Variants in EIF2S2 observed in about 807,000 individuals in gnomAD.
EIF2S2 encodes the protein eukaryotic translation initiation factor 2 subunit beta, also known as eukaryotic translation initiation factor 2 subunit 2.
A neutral mutation model predicts 44.0 loss-of-function variants in EIF2S2; 4 were observed. The observed-to-expected ratio is 0.09, with a 90% confidence interval of 0.04 to 0.21. The LOEUF (loss-of-function observed/expected upper bound fraction) is 0.21. Among genes scored for constraint, EIF2S2 ranks in the 10% least tolerant of loss-of-function variants. EIF2S2 has a pLI of 1.00. For missense variants in EIF2S2, 154 were observed against 392.0 expected (o/e 0.39, Z 5.13); for synonymous variants, 108 against 128.3 (o/e 0.84, Z 1.07).
At chr20:34,097,082 A>C (rs1202341961) in intron 5 of EIF2S2, among the ~76,000 whole-genome samples, 1 of 152,232 alleles carries the variant, frequency 6.6e-6, no homozygotes, top group Non-Finnish European at 1.5e-5. Flanking sequence ...TGGAAAAGTA[A>C]GATTCAGGAA....
chr20:34,096,307 T>A (rs1399721698), intron 6 of EIF2S2, among the ~76,000 whole-genome samples: 1 of 151,904 alleles, frequency 6.6e-6, no homozygotes, highest in Admixed American at 6.6e-5. Context: ...AAAAAAAAAT[T>A]TTTTTAAATT....
chr20:34,094,553 G>A (rs2034205173), intron 6 of EIF2S2, among the ~76,000 whole-genome samples: 2 of 152,046 alleles, frequency 1.3e-5, no homozygotes, highest in African/African-American at 4.8e-5. Flanking sequence ...TATATTTCAT[G>A]TGTAAAATTT....
chr20:34,089,599 A>T lies in EIF2S2; in HGVS notation c.*131T>A. 1.0e-6 allele frequency: 1 copy of T among 983,596 alleles called. No homozygotes were observed. Among genetic ancestry groups the T allele is most frequent in the Non-Finnish European group, 1.5e-6 (1 of 688,098 alleles). 60.9% of individuals were successfully genotyped at this position (983,596 alleles called of 1,614,324 possible). ...AGCATCAGCGTCTTGCAAGGACTTC[A>T]GACCAACCACTCGCCAAAAATCTTG... On this transcript the variant is annotated 3_prime_UTR_variant, in exon 9 of 9. Transcript: ENST00000374980.
intron 1 of EIF2S2, among the ~76,000 whole-genome samples, chr20:34,109,336 TTG>T (rs962697374): frequency 1.4e-4 from 21 of 152,238 alleles, no homozygotes; most frequent in African/African-American, 5.1e-4. Flanking sequence ...TGAATGCCTA[TTG>T]AGTAGGGGAT....
At position 34,094,462 on chromosome 20, in the gene EIF2S2, A is replaced by G. The variant is rs551538136; in HGVS notation, c.684-731T>C. 1.2e-4 allele frequency among the ~76,000 whole-genome samples: 18 copies of G among 152,338 alleles called. No homozygotes were observed. In the South Asian group the frequency reaches 3.5e-3, roughly 30 times the overall value. The stretch of plus-strand genomic sequence containing the variant: ...AAAAAAATCTGAAGCAAATGTGTCA[A>G]AAGTTCAACATATACCAAACCTAGG... On this transcript the variant is annotated intron_variant, in intron 6 of 8. Coordinates refer to ENST00000374980, the MANE Select transcript of EIF2S2 (RefSeq NM_003908.5).
chr20:34,093,803 C>T (rs145616562), intron 6 of EIF2S2, 72 bp from the exon 7 acceptor site: 7 of 1,348,278 alleles, frequency 5.2e-6, no homozygotes, highest in East Asian at 5.0e-5. Flanking sequence ...AAAATCTGTT[C>T]ATTGTTTTGA....
chr20:34,096,457 C>T (rs1025133636), intron 6 of EIF2S2, among the ~76,000 whole-genome samples, 200 bp downstream of exon 6: 2 of 152,068 alleles, frequency 1.3e-5, no homozygotes, highest in African/African-American at 4.8e-5. Context: ...AAAGCAAGAC[C>T]GTTATCTTTA....
At chr20:34,102,701 T>C (rs1438325489) in intron 3 of EIF2S2, among the ~76,000 whole-genome samples, 1 of 152,198 alleles carries the variant, frequency 6.6e-6, no homozygotes, top group Non-Finnish European at 1.5e-5. Context: ...GTGTGCGCGC[T>C]CTATGTGAGT....
intron 1 of EIF2S2, among the ~76,000 whole-genome samples, chr20:34,111,798 GGTT>G (rs1270863580): frequency 6.6e-6 from 1 of 152,256 alleles, no homozygotes; most frequent in Non-Finnish European, 1.5e-5. Context: ...TCTCGTTCGG[GGTT>G]ATTAACCGGG....
intron 1 of EIF2S2, among the ~76,000 whole-genome samples, chr20:34,105,863 ATGCTATGC>A (rs2034343635): frequency 6.6e-6 from 1 of 152,218 alleles, no homozygotes; most frequent in Non-Finnish European, 1.5e-5. Flanking sequence ...GCAACAACCT[ATGCTATGC>A]CCCTCACTTT....
rs2034137937 is a variant in EIF2S2, at chr20:34,089,537, A to G, written c.*193T>C. On this transcript the variant is annotated 3_prime_UTR_variant, in exon 9 of 9. Transcript: ENST00000374980. ...TTACCCCATATCACGTTTCTCTGAC[A>G]GGTGTTAAAGTAGGCAATGAGTATG... 5.4e-6 allele frequency: 3 copies of G among 552,260 alleles called. No homozygotes were observed. The Admixed American group carries it at 1.1e-4, about 21-fold the overall frequency. The allele number at this position is 552,260 out of a possible 1,614,324, so 34.2% of individuals were successfully genotyped here. A position where few individuals can be genotyped will look rare whatever the true frequency, so the allele number is the denominator to read the frequency against.
intron 3 of EIF2S2, among the ~76,000 whole-genome samples, chr20:34,101,304 G>A (rs1176935272): frequency 6.6e-6 from 1 of 152,298 alleles, no homozygotes; most frequent in Non-Finnish European, 1.5e-5. Context: ...ATAGCCCAGC[G>A]TGGTGGCGGG....
At chr20:34,110,080 G>A (rs2034395325) in intron 1 of EIF2S2, among the ~76,000 whole-genome samples, 1 of 122,078 alleles carries the variant, frequency 8.2e-6, no homozygotes, top group Non-Finnish European at 1.6e-5. Flanking sequence ...TCCAGCGACA[G>A]TGCGAAATTC....
At chr20:34,103,755 G>A (rs1414107458) in intron 2 of EIF2S2, among the ~76,000 whole-genome samples, 190 bp from the exon 3 acceptor site, 1 of 150,608 alleles carries the variant, frequency 6.6e-6, no homozygotes. Flanking sequence ...CGCCAAGGCT[G>A]GAGGGCAGTG....
intron 2 of EIF2S2, among the ~76,000 whole-genome samples, chr20:34,104,270 T>A (rs943957563): frequency 6.6e-6 from 1 of 152,184 alleles, no homozygotes; most frequent in Non-Finnish European, 1.5e-5. Context: ...GCAATATACG[T>A]GCGGTCTCTC....
chr20:34,104,273 G>C (rs543578967), intron 2 of EIF2S2, among the ~76,000 whole-genome samples: 1 of 152,010 alleles, frequency 6.6e-6, no homozygotes, highest in Admixed American at 6.5e-5. Context: ...ATATACGTGC[G>C]GTCTCTCACC....
In EIF2S2 at chr20:34,098,643, T is replaced by G; in HGVS notation, c.298-10A>C. 6.2e-7 allele frequency: 1 copy of G among 1,613,136 alleles called. No homozygotes were observed. ...TTTCAATCTTAAGATCCTAAGAAAG[T>G]GAGATGAGTCTGAACATTTGATACT... On this transcript the variant is annotated splice_polypyrimidine_tract_variant and intron_variant, in intron 3 of 8. Transcript: ENST00000374980.
chr20:34,095,259 C>T (rs1017958235), intron 6 of EIF2S2, among the ~76,000 whole-genome samples: 2 of 150,024 alleles, frequency 1.3e-5, no homozygotes, highest in African/African-American at 4.9e-5. Context: ...AAAATATGTA[C>T]ATAAAACTGG....
chr20:34,099,671 C>T (rs1223080532), intron 3 of EIF2S2, among the ~76,000 whole-genome samples: 1 of 152,166 alleles, frequency 6.6e-6, no homozygotes, highest in Non-Finnish European at 1.5e-5. Context: ...TATTGGGTTC[C>T]CATGCTGCCT....
Sources: allele counts gnomAD v4.1 joint callset (sites outside exome capture counted in the v4.1 genomes callset), GRCh38; gene constraint gnomAD v4.1.1; transcripts MANE v1.5; gene names NCBI Gene and HGNC (gene_info 2026-07-23, HGNC 2026-07-21).